CERT1: variants seen among roughly 807,000 people sequenced by gnomAD.
CERT1 encodes the protein ceramide transfer protein.
Under a neutral mutation model 87.9 loss-of-function variants are expected in CERT1, and 31 were observed. The observed-to-expected ratio is 0.35, with a 90% CI of 0.27 to 0.48. The LOEUF (loss-of-function observed/expected upper bound fraction) is 0.48, where lower values mean the gene tolerates loss of function less well. Ranked by LOEUF, CERT1 falls within the 20% of genes least tolerant of loss-of-function variation. CERT1 has a pLI of 0.99. For synonymous variants in CERT1, 289 were observed against 250.9 expected, an observed-to-expected ratio of 1.15 and a Z score of -1.44; for missense variants, 487 against 758.0, an observed-to-expected ratio of 0.64 and a Z score of 4.20.
downstream of CERT1, chr5:75,376,492 G>T (rs1013912275): frequency 1.3e-5 from 2 of 152,200 alleles, no homozygotes; most frequent in Non-Finnish European, 2.9e-5. Context: ...GACACACAGC[G>T]AAGCAGGGTG....
intron 2 of CERT1, among the ~76,000 whole-genome samples, chr5:75,460,322 T>C (rs1014879233): frequency 6.6e-6 from 1 of 152,142 alleles, no homozygotes; most frequent in Non-Finnish European, 1.5e-5. Flanking sequence ...GGCTTTTACA[T>C]GTCTTTGATA....
At chr5:75,384,751 TCC>T in intron 13 of CERT1, 39 bp from the exon 14 acceptor site, 14 of 1,290,402 alleles carry the variant, frequency 1.1e-5, no homozygotes, top group East Asian at 2.3e-5. Flanking sequence ...TATTATCTTT[TCC>T]TAGAATGTGA....
intron 2 of CERT1, among the ~76,000 whole-genome samples, chr5:75,461,823 A>C (rs1408009638): frequency 3.3e-5 from 4 of 122,202 alleles, no homozygotes; most frequent in Admixed American, 8.0e-5. Flanking sequence ...AACAAAGTGA[A>C]AAAAAAAAAA....
At chr5:75,383,974 T>C (rs1382342513) in intron 14 of CERT1, among the ~76,000 whole-genome samples, 4 of 152,180 alleles carry the variant, frequency 2.6e-5, no homozygotes, top group African/African-American at 9.7e-5. Context: ...TTAAATTATG[T>C]TTCTGTATGC....
chr5:75,505,573 T>C (rs571718755), intron 2 of CERT1: 1 of 152,552 alleles, frequency 6.6e-6, no homozygotes, highest in Non-Finnish European at 1.5e-5. Flanking sequence ...CACAAAGAGA[T>C]GGCATTAGCT....
At chr5:75,429,116 A>G (rs1210838499) in intron 3 of CERT1, among the ~76,000 whole-genome samples, 1 of 150,790 alleles carries the variant, frequency 6.6e-6, no homozygotes, top group Admixed American at 6.6e-5. Context: ...TTCCACCTCC[A>G]GCCTACAGTA....
chr5:75,449,139 G>A (rs1176639343), intron 3 of CERT1, among the ~76,000 whole-genome samples: 1 of 152,056 alleles, frequency 6.6e-6, no homozygotes, highest in East Asian at 1.9e-4. Context: ...CTGTGAAATG[G>A]CAATTAGACT....
chr5:75,399,529 C>T (rs1580716647), intron 10 of CERT1, 142 bp from the exon 11 acceptor site: 2 of 660,904 alleles, frequency 3.0e-6, no homozygotes, highest in East Asian at 2.8e-5. Flanking sequence ...CTGCTGACTT[C>T]ATGCACCTAT....
At chr5:75,385,405 A>G (rs1482622292) in intron 13 of CERT1, among the ~76,000 whole-genome samples, 1 of 152,174 alleles carries the variant, frequency 6.6e-6, no homozygotes, top group Non-Finnish European at 1.5e-5. Flanking sequence ...CTGGGGAGGT[A>G]AAGGTTGCAG....
intron 2 of CERT1, among the ~76,000 whole-genome samples, chr5:75,461,898 T>C (rs763775082): frequency 1.3e-4 from 19 of 151,872 alleles, no homozygotes; most frequent in African/African-American, 3.4e-4. Context: ...GGATGTATTA[T>C]GCAATAAAGC....
chr5:75,465,855 G>C (rs556690622), intron 2 of CERT1, among the ~76,000 whole-genome samples: 3 of 152,152 alleles, frequency 2.0e-5, no homozygotes, highest in African/African-American at 7.2e-5. Flanking sequence ...AGGAAAAGGG[G>C]GGGTAGAGAA....
intron 9 of CERT1, chr5:75,400,541 T>C (rs1024591386): frequency 2.5e-6 from 1 of 400,796 alleles, no homozygotes. Context: ...GTTCGTTGAT[T>C]TTGCTCCTAG....
At chr5:75,383,842 A>T (rs556922751) in intron 14 of CERT1, among the ~76,000 whole-genome samples, 1 of 152,314 alleles carries the variant, frequency 6.6e-6, no homozygotes, top group South Asian at 2.1e-4. Context: ...TTATTATGCT[A>T]TACACATTAT....
chr5:75,401,332 T>C (rs189203884), intron 9 of CERT1: 2 of 152,234 alleles, frequency 1.3e-5, no homozygotes, highest in African/African-American at 2.4e-5. Flanking sequence ...TGATATTCAG[T>C]AGAGTAGCAT....
At chr5:75,484,829 TC>T (rs1244378807) in intron 2 of CERT1, among the ~76,000 whole-genome samples, 1 of 151,714 alleles carries the variant, frequency 6.6e-6, no homozygotes, top group Non-Finnish European at 1.5e-5. Flanking sequence ...AGACAGAAAA[TC>T]AAGAAACATC....
chr5:75,477,222 T>C (rs764943377), intron 2 of CERT1, among the ~76,000 whole-genome samples: 21 of 152,270 alleles, frequency 1.4e-4, no homozygotes, highest in Non-Finnish European at 1.6e-4. Flanking sequence ...TAAACCATCT[T>C]TGTAAGTAAA....
chr5:75,383,993 A>G (rs1761687653), intron 14 of CERT1, among the ~76,000 whole-genome samples: 1 of 152,198 alleles, frequency 6.6e-6, no homozygotes, highest in South Asian at 2.1e-4. Flanking sequence ...GCTCTGGTGT[A>G]TGACTAACCT....
At chr5:75,469,558 T>C (rs1240062919) in intron 2 of CERT1, among the ~76,000 whole-genome samples, 1 of 152,046 alleles carries the variant, frequency 6.6e-6, no homozygotes, top group Non-Finnish European at 1.5e-5. Context: ...AACTATTTTT[T>C]TTTGTAAACC....
chr5:75,496,587 G>T (rs1292422195), intron 2 of CERT1, among the ~76,000 whole-genome samples: 2 of 152,172 alleles, frequency 1.3e-5, no homozygotes, highest in South Asian at 2.1e-4. Flanking sequence ...GTCAACTGGT[G>T]AATGCATAAG....
Sources: allele counts gnomAD v4.1 joint callset (sites outside exome capture counted in the v4.1 genomes callset), GRCh38; gene constraint gnomAD v4.1.1; transcripts MANE v1.5; gene names NCBI Gene and HGNC (gene_info 2026-07-23, HGNC 2026-07-21).